Variants in HKDC1 observed in about 807,000 individuals in gnomAD.
The protein encoded by HKDC1 is hexokinase HKDC1.
Under a neutral mutation model 96.6 loss-of-function variants are expected in HKDC1, and 66 were observed. The observed-to-expected ratio is 0.68, with a 90% confidence interval of 0.56 to 0.84. The LOEUF is 0.84. HKDC1 is among the 40% of genes least tolerant of loss of function. The probability of loss-of-function intolerance (pLI) is 0.00; values close to 1 mark genes in which losing one functional copy is unlikely to be tolerated. For synonymous variants in HKDC1, 466 were observed against 473.1 expected, an observed-to-expected ratio of 0.98 and a Z score of 0.20; for missense variants, 1,211 against 1,208.1, an observed-to-expected ratio of 1.00 and a Z score of -0.04.
At chr10:69,232,592 T>G in intron 2 of HKDC1, 172 bp from the exon 3 acceptor site, 1 of 646,984 alleles carries the variant, frequency 1.5e-6, no homozygotes. Flanking sequence ...CTCTGCGCCT[T>G]ACCTCGAGGG....
intron 4 of HKDC1, 139 bp from the exon 5 acceptor site, chr10:69,238,903 A>C (rs1055076779): frequency 2.5e-5 from 14 of 559,798 alleles, no homozygotes; most frequent in African/African-American, 3.8e-5. Context: ...CTGCAGAAGC[A>C]ATGTTTTAAA....
At chr10:69,243,463 C>A in intron 7 of HKDC1, 98 bp downstream of exon 7, 1 of 949,420 alleles carries the variant, frequency 1.1e-6, no homozygotes, top group Non-Finnish European at 1.5e-6. Context: ...TTGTGACTAG[C>A]TATCCATCAC....
intron 1 of HKDC1, chr10:69,223,249 G>A (rs1043401007): frequency 6.6e-6 from 1 of 152,160 alleles, no homozygotes; most frequent in Non-Finnish European, 1.5e-5. Flanking sequence ...TTACAAAAAA[G>A]TGGAAATGTT....
chr10:69,264,265 C>T (rs1472873512), intron 16 of HKDC1, among the ~76,000 whole-genome samples: 1 of 149,324 alleles, frequency 6.7e-6, no homozygotes, highest in East Asian at 2.0e-4. Flanking sequence ...TGGGCAAGGG[C>T]AAACATTAAA....
intron 4 of HKDC1, among the ~76,000 whole-genome samples, chr10:69,236,126 T>A (rs1356284194): frequency 6.6e-6 from 1 of 151,576 alleles, no homozygotes; most frequent in African/African-American, 2.4e-5. Context: ...TTTGATTTTT[T>A]TTTTTTTTTT....
At chr10:69,253,277 A>C (rs776955892) in intron 12 of HKDC1, among the ~76,000 whole-genome samples, 2 of 152,036 alleles carry the variant, frequency 1.3e-5, no homozygotes. Flanking sequence ...GGGCCTTTGC[A>C]TGAGGCTGGG....
chr10:69,250,822 C>T (rs919665323), intron 12 of HKDC1, among the ~76,000 whole-genome samples, 170 bp downstream of exon 12: 4 of 152,138 alleles, frequency 2.6e-5, no homozygotes, highest in South Asian at 4.1e-4. Context: ...ATCAATTTAT[C>T]ACGATTTTTT....
intron 1 of HKDC1, chr10:69,226,007 A>G (rs563678487): frequency 1.2e-4 from 19 of 152,370 alleles, no homozygotes; most frequent in African/African-American, 4.3e-4. Context: ...GAGAGTGCTC[A>G]GTATAAAAAC....
intron 7 of HKDC1, among the ~76,000 whole-genome samples, chr10:69,245,408 G>T (rs1171393144): frequency 2.0e-5 from 3 of 149,752 alleles, no homozygotes; most frequent in African/African-American, 7.4e-5. Flanking sequence ...AACATAATTA[G>T]ATCCTGTCTC....
In HKDC1 at chr10:69,266,884, C is replaced by T. The variant is rs913496604; in HGVS notation, c.*127C>T. 1.1e-6 allele frequency: 1 copy of T among 870,568 alleles called. No homozygotes were observed. The highest frequency in any genetic ancestry group is 1.7e-5 in the African/African-American group (1 of 59,436). The allele number at this position is 870,568 out of a possible 1,614,324, so 53.9% of individuals were successfully genotyped here. A position where few individuals can be genotyped will look rare whatever the true frequency, so the allele number is the denominator to read the frequency against. ...ACCTTCTGGATGGCCGAAAGAGAAC[C>T]CCAGGTTCTCGGGTACTCTTAGTAT... On this transcript the variant is annotated 3_prime_UTR_variant, in exon 18 of 18. Transcript: ENST00000354624.
At chr10:69,240,600 G>A in intron 5 of HKDC1, 52 bp from the exon 6 acceptor site, 2 of 1,460,082 alleles carry the variant, frequency 1.4e-6, no homozygotes, top group South Asian at 1.1e-5. Flanking sequence ...GAAGGAGGGA[G>A]GGAAACACCT....
intron 7 of HKDC1, among the ~76,000 whole-genome samples, chr10:69,245,167 G>A (rs1010325975): frequency 6.6e-6 from 1 of 152,182 alleles, no homozygotes; most frequent in African/African-American, 2.4e-5. Context: ...CTCCCAAAGT[G>A]CTGGGATTAC....
intron 5 of HKDC1, 93 bp from the exon 6 acceptor site, chr10:69,240,559 A>G (rs545400536): frequency 6.9e-6 from 7 of 1,007,368 alleles, no homozygotes; most frequent in African/African-American, 6.3e-5. Context: ...ATGTCTCAGC[A>G]GCCACCTTCA....
intron 12 of HKDC1, among the ~76,000 whole-genome samples, chr10:69,252,973 C>CGTGTGTGTGT (rs57083436): frequency 1.3e-3 from 185 of 140,268 alleles, no homozygotes; most frequent in African/African-American, 4.8e-3. Flanking sequence ...CATCTCTAAA[C>CGTGTGTGTGT]GTGTGTGTGT....
intron 4 of HKDC1, among the ~76,000 whole-genome samples, chr10:69,237,814 T>C (rs1843386922): frequency 1.0e-5 from 1 of 96,030 alleles, no homozygotes. Flanking sequence ...GTCAGAGACC[T>C]GCATTCGGCT....
intron 14 of HKDC1, 22 bp from the exon 15 acceptor site, chr10:69,258,754 G>A (rs369431597): frequency 8.7e-6 from 14 of 1,613,210 alleles, no homozygotes; most frequent in South Asian, 3.3e-5. Flanking sequence ...GAAGACTAAG[G>A]TTCCTTCACA....
At chr10:69,257,201 C>T (rs1843731882) in intron 13 of HKDC1, 70 bp downstream of exon 13, 3 of 1,475,858 alleles carry the variant, frequency 2.0e-6, no homozygotes, top group South Asian at 1.1e-5. Context: ...CTGCCATCCT[C>T]TGCCCAGTTC....
chr10:69,221,840 G>C (rs956555407), intron 1 of HKDC1, among the ~76,000 whole-genome samples: 2 of 152,010 alleles, frequency 1.3e-5, no homozygotes, highest in African/African-American at 4.8e-5. Flanking sequence ...GGCTGCGGTG[G>C]CAGGATGGCT....
intron 15 of HKDC1, among the ~76,000 whole-genome samples, chr10:69,260,213 G>C (rs982032339): frequency 6.6e-6 from 1 of 152,194 alleles, no homozygotes; most frequent in African/African-American, 2.4e-5. Context: ...AACTGAGAAT[G>C]TTGTCTAGGA....
Sources: gnomAD v4.1 joint callset for allele counts (sites outside exome capture counted in the v4.1 genomes callset) on GRCh38, gnomAD v4.1.1 for gene constraint, MANE v1.5 for transcripts, NCBI Gene and HGNC (gene_info 2026-07-23, HGNC 2026-07-21) for gene names.